GRM5: variants seen among roughly 807,000 people sequenced by gnomAD.
GRM5 encodes glutamate metabotropic receptor 5, also known as metabotropic glutamate receptor 5.
Under a neutral mutation model 83.1 loss-of-function variants are expected in GRM5, and 19 were observed. The observed-to-expected ratio is 0.23, with a 90% CI of 0.16 to 0.34. The LOEUF is 0.34. Ranked by LOEUF, GRM5 falls within the 10% of genes least tolerant of loss-of-function variation. The pLI is 1.00. For synonymous variants in GRM5, 675 were observed against 633.6 expected (o/e 1.07, Z -0.98); for missense variants, 1,160 against 1,588.3 (o/e 0.73, Z 4.58).
intron 3 of GRM5, among the ~76,000 whole-genome samples, chr11:88,656,082 AC>A (rs1309898954): frequency 1.3e-5 from 2 of 151,966 alleles, no homozygotes; most frequent in African/African-American, 4.8e-5. Context: ...CTAAGAAAAA[AC>A]CTTTCTGCCA....
At chr11:88,789,425 C>T (rs147658629) in intron 3 of GRM5, among the ~76,000 whole-genome samples, 8 of 152,048 alleles carry the variant, frequency 5.3e-5, no homozygotes, top group Middle Eastern at 3.4e-3. Context: ...TGAATTATTT[C>T]GGTAAGGCTT....
intron 3 of GRM5, among the ~76,000 whole-genome samples, chr11:88,724,567 GTACT>G (rs1283819759): frequency 6.6e-6 from 1 of 152,118 alleles, no homozygotes; most frequent in East Asian, 1.9e-4. Context: ...ATATTAATAA[GTACT>G]TACTTACTGC....
Position 88,653,409 on chromosome 11 carries a change from G to A in GRM5, c.912-6C>T, listed in dbSNP as rs566756527. 6 of 1,597,106 alleles carry A rather than the reference G, an allele frequency of 3.8e-6. 1 individual carries two copies. The South Asian group carries it at 6.6e-5, about 18-fold the overall frequency. On this transcript the variant is annotated splice_region_variant and splice_polypyrimidine_tract_variant and intron_variant, in intron 3 of 9. Coordinates refer to ENST00000305447, the MANE Select transcript of GRM5 (RefSeq NM_001143831.3). The stretch of plus-strand genomic sequence containing the variant: ...ACCTGTCAGCCCAGCCATCACTGTG[G>A]GGAAATAAAAAAACCCTCAGCTTAG...
At position 88,567,933 on chromosome 11, in the gene GRM5, C is replaced by G; in HGVS notation, c.1750G>C (p.Val584Leu). The change falls in exon 8 of 10, where the codon GTG becomes CTG. Residue 584 changes from valine (V) to leucine (L), a missense_variant. Transcript: ENST00000305447. This position sits in a 1 kb window ranked among gnomAD's most constrained non-coding sequence, Gnocchi z 7.3. ...AGGAGGCCAAGGCAGGCAAACACCA[C>G]AGCTGCAATGGGTTCAGGGTCACCC... ...RWGDPEPIAA[V>L]VFACLGLLAT... is the part of the protein sequence containing the mutation. 2 of 1,614,038 alleles carry G rather than the reference C, an allele frequency of 1.2e-6. No individual in the cohort carries two copies. Among genetic ancestry groups the G allele is most frequent in the South Asian group, 1.1e-5 (1 of 91,084 alleles).
At chr11:88,641,614 AC>A (rs778299797) in intron 4 of GRM5, among the ~76,000 whole-genome samples, 2 of 152,208 alleles carry the variant, frequency 1.3e-5, no homozygotes, top group Non-Finnish European at 2.9e-5. Flanking sequence ...CATTGGGTAA[AC>A]ATTCCCATTC....
chr11:88,721,203 C>T (rs1254829004), intron 3 of GRM5, among the ~76,000 whole-genome samples: 4 of 152,152 alleles, frequency 2.6e-5, no homozygotes, highest in Middle Eastern at 3.4e-3. Context: ...ACTCAACAAT[C>T]GTTGGCTATA....
intron 3 of GRM5, among the ~76,000 whole-genome samples, chr11:88,657,962 C>G (rs61902893): frequency 0.13 from 19,045 of 152,132 alleles, 1,494 homozygotes; most frequent in Non-Finnish European, 0.18. Flanking sequence ...TAGTCTGTTT[C>G]TGGGACATAC....
intron 8 of GRM5, among the ~76,000 whole-genome samples, chr11:88,538,842 A>G (rs1261323923): frequency 6.6e-6 from 1 of 152,242 alleles, no homozygotes. Context: ...TGCCCAGGTT[A>G]CTAGAATGGT....
Position 88,581,627 on chromosome 11 carries a change from T to C in GRM5, c.1690+8974A>G, listed in dbSNP as rs549760884. 2.6e-5 allele frequency among the ~76,000 whole-genome samples: 4 copies of C among 152,342 alleles called. No individual in the cohort carries two copies. The South Asian group carries it at 8.3e-4, about 32-fold the overall frequency. On this transcript the variant is annotated intron_variant, in intron 7 of 9. Transcript: ENST00000305447. ...TTGTACTGGTGAGTGTGTAATGTAG[T>C]GAACTTATCTAGAGAAACCTAAAAA...
Position 89,004,539 on chromosome 11 carries a change from A to T in GRM5, c.661+42673T>A, listed in dbSNP as rs191948844. ...CAAAGTTTGGGCACATTATATAAGG[A>T]AAGCTTATGGAATTTGAGAATGCTT... On this transcript the variant is annotated intron_variant, in intron 2 of 9. Coordinates refer to ENST00000305447, the MANE Select transcript of GRM5 (RefSeq NM_001143831.3). Among the ~76,000 whole-genome samples, 225 of 152,288 alleles carry T rather than the reference A, an allele frequency of 1.5e-3. 1 individual carries two copies. The highest frequency in any genetic ancestry group is 5.2e-3 in the African/African-American group (216 of 41,574).
chr11:89,054,287 G>C (rs1165798784), intron 1 of GRM5, among the ~76,000 whole-genome samples: 4 of 152,158 alleles, frequency 2.6e-5, no homozygotes, highest in African/African-American at 4.8e-5. Context: ...TAGGATGTTG[G>C]AGAAAGAGAA....
At chr11:88,639,745 G>T (rs1316900690) in intron 4 of GRM5, among the ~76,000 whole-genome samples, 1 of 151,932 alleles carries the variant, frequency 6.6e-6, no homozygotes, top group South Asian at 2.1e-4. Flanking sequence ...CTGCCACCAC[G>T]CCCAGCTAAT....
intron 3 of GRM5, among the ~76,000 whole-genome samples, chr11:88,727,791 T>C (rs561451239): frequency 6.6e-6 from 1 of 152,166 alleles, no homozygotes; most frequent in South Asian, 2.1e-4. Flanking sequence ...ACTGAGTAAA[T>C]AACAAAATTA....
chr11:88,898,261 T>C (rs768246591), intron 2 of GRM5, among the ~76,000 whole-genome samples: 4 of 151,960 alleles, frequency 2.6e-5, no homozygotes, highest in Admixed American at 6.6e-5. Context: ...ACACTAGTAA[T>C]GTTTAACTCG....
intron 4 of GRM5, among the ~76,000 whole-genome samples, chr11:88,626,317 G>A (rs931033938): frequency 1.3e-5 from 2 of 152,122 alleles, no homozygotes; most frequent in African/African-American, 4.8e-5. Flanking sequence ...GATGTAAAAC[G>A]TGACAATTAA....
At chr11:88,722,959 A>C (rs780167094) in intron 3 of GRM5, among the ~76,000 whole-genome samples, 4 of 137,888 alleles carry the variant, frequency 2.9e-5, no homozygotes, top group Non-Finnish European at 4.7e-5. Flanking sequence ...ATCCACCATT[A>C]TAGCCTCATA....
intron 3 of GRM5, among the ~76,000 whole-genome samples, chr11:88,723,277 C>A (rs1056254534): frequency 1.3e-5 from 2 of 152,054 alleles, no homozygotes; most frequent in Non-Finnish European, 2.9e-5. Flanking sequence ...ACCATTCACC[C>A]ACTGAAGGAC....
intron 3 of GRM5, among the ~76,000 whole-genome samples, chr11:88,655,289 C>T (rs1939737930): frequency 6.6e-6 from 1 of 151,884 alleles, no homozygotes; most frequent in Non-Finnish European, 1.5e-5. Context: ...CTCATTTTCT[C>T]CTCTGTTTTG....
Position 88,700,683 on chromosome 11 carries a change from T to A in GRM5, c.912-47280A>T, listed in dbSNP as rs1293577895. ...TAATCTACCACCATGGCATCCTTTATAATGTTGCACAAGACAAAGGGACTC... is the reference window on the plus strand; with the variant it reads ...TAATCTACCACCATGGCATCCTTTAAAATGTTGCACAAGACAAAGGGACTC... On this transcript the variant is annotated intron_variant, in intron 3 of 9. Transcript: ENST00000305447. Among the ~76,000 whole-genome samples the A allele has an allele frequency of 3.9e-5, 6 of 152,144 alleles. 1 individual carries two copies. The highest frequency in any genetic ancestry group is 1.4e-4 in the African/African-American group (6 of 41,444).
Sources: gnomAD v4.1 joint callset for allele counts (sites outside exome capture counted in the v4.1 genomes callset) on GRCh38, gnomAD v4.1.1 for gene constraint, Gnocchi (gnomAD v3.1) non-coding constraint, MANE v1.5 for transcripts, NCBI Gene and HGNC (gene_info 2026-07-23, HGNC 2026-07-21) for gene names.